CAMTA1: variants seen among roughly 807,000 people sequenced by gnomAD.
The protein encoded by CAMTA1 is calmodulin binding transcription activator 1, also known as calmodulin-binding transcription activator 1.
Under a neutral mutation model 170.9 loss-of-function variants are expected in CAMTA1, and 27 were observed. The observed-to-expected ratio is 0.16, with a 90% CI of 0.12 to 0.22. The LOEUF (loss-of-function observed/expected upper bound fraction) is 0.22. Among genes scored for constraint, CAMTA1 ranks in the 10% least tolerant of loss-of-function variants. The pLI is 1.00. For synonymous variants in CAMTA1, 833 were observed against 891.5 expected, an observed-to-expected ratio of 0.93 and a Z score of 1.17; for missense variants, 1,619 against 2,217.2, an observed-to-expected ratio of 0.73 and a Z score of 5.42.
At chr1:7,294,736 A>G (rs1420244928) in intron 5 of CAMTA1, among the ~76,000 whole-genome samples, 1 of 152,236 alleles carries the variant, frequency 6.6e-6, no homozygotes, top group Non-Finnish European at 1.5e-5. Flanking sequence ...TTTGACAGTC[A>G]CTGTCAGAGG....
intron 3 of CAMTA1, among the ~76,000 whole-genome samples, chr1:6,976,329 C>A (rs917683077): frequency 6.6e-6 from 1 of 152,156 alleles, no homozygotes; most frequent in Admixed American, 6.5e-5. Flanking sequence ...GGAGACGGAT[C>A]TGGCACTTCT....
chr1:7,561,679 G>A lies in CAMTA1; in HGVS notation c.511-78721G>A, dbSNP rs528413222. Among the ~76,000 whole-genome samples the A allele has an allele frequency of 6.6e-6, 1 of 151,996 alleles. No homozygotes were observed. The highest frequency in any genetic ancestry group is 1.5e-5 in the Non-Finnish European group (1 of 67,986). On this transcript the variant is annotated intron_variant, in intron 6 of 22. Coordinates refer to ENST00000303635, the MANE Select transcript of CAMTA1 (RefSeq NM_015215.4). The surrounding 1 kb of genome is among the most constrained non-coding windows in gnomAD (Gnocchi z 5.3). ...CAGCAGGCAAGGCTCCATGATGCCC[G>A]TCAGAGGCCACCCCTCCCCAGCCCC...
intron 4 of CAMTA1, among the ~76,000 whole-genome samples, chr1:7,124,396 C>T (rs539315711): frequency 6.6e-6 from 1 of 152,186 alleles, no homozygotes; most frequent in African/African-American, 2.4e-5. Context: ...GCCTTCGAGG[C>T]CTGGATCAAA....
intron 22 of CAMTA1, among the ~76,000 whole-genome samples, chr1:7,758,669 C>T (rs1341342384): frequency 1.3e-5 from 2 of 152,178 alleles, no homozygotes; most frequent in African/African-American, 2.4e-5. Flanking sequence ...GGCGCGGTGG[C>T]TTACGCCTGT....
At chr1:7,624,542 G>A (rs1328403559) in intron 6 of CAMTA1, among the ~76,000 whole-genome samples, 2 of 152,240 alleles carry the variant, frequency 1.3e-5, no homozygotes, top group Non-Finnish European at 2.9e-5. Flanking sequence ...TGGTGAAGGT[G>A]GAAGAGATGA....
chr1:6,788,923 A>G (rs1053724167), intron 1 of CAMTA1, among the ~76,000 whole-genome samples: 1 of 152,136 alleles, frequency 6.6e-6, no homozygotes, highest in Non-Finnish European at 1.5e-5. Flanking sequence ...GCTCTGTTGC[A>G]GTTGGGCAGA....
intron 3 of CAMTA1, among the ~76,000 whole-genome samples, chr1:6,972,196 A>G (rs1692663855): frequency 6.6e-6 from 1 of 152,174 alleles, no homozygotes; most frequent in Non-Finnish European, 1.5e-5. Flanking sequence ...CTGTCACCCC[A>G]GTGGTGAGGG....
intron 3 of CAMTA1, among the ~76,000 whole-genome samples, chr1:7,043,569 C>T (rs1704833363): frequency 6.6e-6 from 1 of 152,208 alleles, no homozygotes; most frequent in East Asian, 1.9e-4. Flanking sequence ...ACATTTACCC[C>T]GTTGCAGAAT....
At chr1:7,306,758 A>C (rs1370026396) in intron 5 of CAMTA1, among the ~76,000 whole-genome samples, 4 of 151,936 alleles carry the variant, frequency 2.6e-5, no homozygotes, top group African/African-American at 9.7e-5. Context: ...TGAGTTTTCC[A>C]ATATGTGACC....
rs2096095832 is a variant in CAMTA1, at chr1:7,674,655, T to C, written c.2780-2944T>C. On this transcript the variant is annotated intron_variant, in intron 10 of 22. Coordinates refer to ENST00000303635, the MANE Select transcript of CAMTA1 (RefSeq NM_015215.4). The surrounding 1 kb of genome is among the most constrained non-coding windows in gnomAD (Gnocchi z 4.1). ...TTAGCTGGGCGTGGTGGCAGGCACC[T>C]GTAAGCTAGTAGGGAGGCTGAGGCA... 6.6e-6 allele frequency among the ~76,000 whole-genome samples: 1 copy of C among 152,124 alleles called. No homozygotes were observed. Among genetic ancestry groups the C allele is most frequent in the Admixed American group, 6.5e-5 (1 of 15,268 alleles).
chr1:7,521,993 G>A (rs371547332), intron 6 of CAMTA1, among the ~76,000 whole-genome samples: 6 of 152,214 alleles, frequency 3.9e-5, no homozygotes, highest in East Asian at 1.9e-4. Flanking sequence ...TCACATGTGC[G>A]TTGTTATGTG....
intron 7 of CAMTA1, among the ~76,000 whole-genome samples, chr1:7,655,325 T>G (rs1169584876): frequency 7.7e-6 from 1 of 129,202 alleles, no homozygotes; most frequent in Admixed American, 7.9e-5. Context: ...TACACACCTA[T>G]ACACACAAAC....
At chr1:7,283,221 A>G (rs992365548) in intron 5 of CAMTA1, among the ~76,000 whole-genome samples, 1 of 152,166 alleles carries the variant, frequency 6.6e-6, no homozygotes, top group Non-Finnish European at 1.5e-5. Flanking sequence ...TGCCACCCCA[A>G]CTACAGGAGA....
chr1:7,546,268 C>A (rs1426852042), intron 6 of CAMTA1, among the ~76,000 whole-genome samples: 1 of 152,146 alleles, frequency 6.6e-6, no homozygotes, highest in Non-Finnish European at 1.5e-5. Flanking sequence ...GTTTTCTATT[C>A]CTGGATTAGT....
intron 5 of CAMTA1, among the ~76,000 whole-genome samples, chr1:7,340,487 G>A (rs1174477347): frequency 6.6e-6 from 1 of 151,812 alleles, no homozygotes; most frequent in Non-Finnish European, 1.5e-5. Flanking sequence ...GGCCCAGGAA[G>A]TAGCCCTTTC....
chr1:6,832,265 A>G (rs1014891492), intron 3 of CAMTA1, among the ~76,000 whole-genome samples: 2 of 151,900 alleles, frequency 1.3e-5, no homozygotes, highest in African/African-American at 2.4e-5. Context: ...TTTTGTAGAG[A>G]CAGGGTTTCA....
intron 11 of CAMTA1, among the ~76,000 whole-genome samples, chr1:7,727,883 T>C (rs545310471): frequency 1.3e-5 from 2 of 152,328 alleles, no homozygotes; most frequent in South Asian, 4.1e-4. Context: ...GGAAAGGACA[T>C]GTGAGGAGAA....
In CAMTA1 at chr1:7,637,258, C is replaced by T. The variant is rs1025366445; in HGVS notation, c.511-3142C>T. ...CGACTGTGGGGCAGGATGCGGCAGT[C>T]CTTTCCTCTCCCAGGCGTCTGGCAT... is the stretch of plus-strand genomic sequence containing the variant. On this transcript the variant is annotated intron_variant, in intron 6 of 22. Transcript: ENST00000303635. Among the ~76,000 whole-genome samples, 7 of 152,306 alleles carry T rather than the reference C, an allele frequency of 4.6e-5. No homozygotes were observed. In the South Asian group the frequency reaches 1.4e-3, roughly 32 times the overall value.
At chr1:7,177,024 G>A (rs915637525) in intron 4 of CAMTA1, among the ~76,000 whole-genome samples, 1 of 151,976 alleles carries the variant, frequency 6.6e-6, no homozygotes, top group African/African-American at 2.4e-5. Context: ...GGCTGGCTGG[G>A]CAATAGACCA....
Sources: gnomAD v4.1 joint callset for allele counts (sites outside exome capture counted in the v4.1 genomes callset) on GRCh38, gnomAD v4.1.1 for gene constraint, Gnocchi (gnomAD v3.1) non-coding constraint, MANE v1.5 for transcripts, NCBI Gene and HGNC (gene_info 2026-07-23, HGNC 2026-07-21) for gene names.